Variants in VPS13B observed in about 807,000 individuals in gnomAD.
VPS13B encodes vacuolar protein sorting 13 homolog B.
Under a neutral mutation model 426.4 loss-of-function variants are expected in VPS13B, and 285 were observed. The observed-to-expected ratio is 0.67, with a 90% CI of 0.61 to 0.74. The LOEUF (loss-of-function observed/expected upper bound fraction) is 0.74, where lower values mean the gene tolerates loss of function less well. Ranked by LOEUF, VPS13B falls within the 30% of genes least tolerant of loss-of-function variation. The pLI is 0.00. For synonymous variants in VPS13B, 1,676 were observed against 1,676.4 expected, an observed-to-expected ratio of 1.00 and a Z score of 0.01; for missense variants, 4,537 against 4,782.6, an observed-to-expected ratio of 0.95 and a Z score of 1.51.
At chr8:99,169,975 T>C in intron 15 of VPS13B, 64 bp from the exon 16 acceptor site, 1 of 1,596,076 alleles carries the variant, frequency 6.3e-7, no homozygotes, top group South Asian at 1.1e-5. Context: ...AACTGACGTA[T>C]TTCATCCTGT....
chr8:99,849,584 G>T (rs1350476061), intron 55 of VPS13B, among the ~76,000 whole-genome samples: 1 of 152,098 alleles, frequency 6.6e-6, no homozygotes, highest in African/African-American at 2.4e-5. Flanking sequence ...CATATTAAGA[G>T]CTTTAAAATC....
chr8:99,809,519 G>A lies in VPS13B; in HGVS notation c.8086G>A (p.Val2696Ile). The A allele has an allele frequency of 6.2e-7, 1 of 1,613,964 alleles. No homozygotes were observed. The highest frequency in any genetic ancestry group is 8.5e-7 in the Non-Finnish European group (1 of 1,179,934). The change falls in exon 44 of 62, where the codon GTA becomes ATA. Residue 2696 changes from valine to isoleucine, a missense_variant. By Grantham distance (29) the Val-to-Ile change is conservative. Coordinates refer to ENST00000357162, the MANE Select transcript of VPS13B (RefSeq NM_152564.5). ...CATCAAGGTTCAGCAACTCAATGGA[G>A]TACAAAAACAGGTAAGTTTCTTTGT... ...LIIKVQQLNGVQKQIIICGRQ... is the reference protein window; with the variant it reads ...LIIKVQQLNGIQKQIIICGRQ...
intron 33 of VPS13B, among the ~76,000 whole-genome samples, chr8:99,627,957 T>C (rs563642284): frequency 1.3e-5 from 2 of 152,296 alleles, no homozygotes; most frequent in African/African-American, 4.8e-5. Context: ...CCATAAGACG[T>C]TCTTTGAAGA....
At chr8:99,433,687 A>G (rs537817921) in intron 22 of VPS13B, among the ~76,000 whole-genome samples, 8 of 152,346 alleles carry the variant, frequency 5.3e-5, no homozygotes, top group African/African-American at 1.9e-4. Context: ...ATCAGAAAGT[A>G]TAAATAGTTG....
At chr8:99,300,471 C>A (rs1360687967) in intron 19 of VPS13B, among the ~76,000 whole-genome samples, 1 of 152,104 alleles carries the variant, frequency 6.6e-6, no homozygotes, top group Admixed American at 6.6e-5. Flanking sequence ...GGTGTGTTTT[C>A]TTTTTATATA....
chr8:99,052,482 C>A (rs1457404231), intron 3 of VPS13B, among the ~76,000 whole-genome samples: 1 of 114,854 alleles, frequency 8.7e-6, no homozygotes, highest in Non-Finnish European at 1.8e-5. Flanking sequence ...GGATATTGGT[C>A]TAAAATTGTC....
intron 7 of VPS13B, chr8:99,119,247 A>T (rs1322915344): frequency 6.6e-6 from 1 of 151,884 alleles, no homozygotes; most frequent in Non-Finnish European, 1.5e-5. Context: ...TTATGTATTT[A>T]TTATTTATTT....
In VPS13B at chr8:99,217,335, G is replaced by A. The variant is rs76553063; in HGVS notation, c.2515+24278G>A. On this transcript the variant is annotated intron_variant, in intron 17 of 61. Transcript: ENST00000357162. ...TTTTAACAGATGAGGAAACTGGGGC[G>A]CAGAGGCAGTAACACGGTCAAGGAC... Among the ~76,000 whole-genome samples, 1,022 of 152,232 alleles carry A rather than the reference G, an allele frequency of 6.7e-3. 10 individuals are homozygous for A. Among genetic ancestry groups the A allele is most frequent in the African/African-American group, 0.023 (937 of 41,556 alleles).
At chr8:99,571,745 T>C (rs1231058513) in intron 31 of VPS13B, among the ~76,000 whole-genome samples, 1 of 152,156 alleles carries the variant, frequency 6.6e-6, no homozygotes, top group African/African-American at 2.4e-5. Context: ...TTTGAGCTAT[T>C]AGGCTATAAT....
At chr8:99,544,231 C>A (rs1352563159) in intron 30 of VPS13B, among the ~76,000 whole-genome samples, 1 of 152,162 alleles carries the variant, frequency 6.6e-6, no homozygotes, top group South Asian at 2.1e-4. Context: ...CCAAACACCG[C>A]ATGTTCTCAC....
intron 17 of VPS13B, among the ~76,000 whole-genome samples, chr8:99,249,160 G>T (rs1817373265): frequency 1.0e-5 from 1 of 97,168 alleles, no homozygotes; most frequent in Non-Finnish European, 2.8e-5. Context: ...GTGACCTTTT[G>T]GTTTTCGCCA....
chr8:99,146,955 T>A (rs1810764775), intron 13 of VPS13B, among the ~76,000 whole-genome samples: 1 of 152,138 alleles, frequency 6.6e-6, no homozygotes, highest in Non-Finnish European at 1.5e-5. Context: ...GGAAACTGTT[T>A]TATGAGGTTG....
At chr8:99,406,665 A>G (rs1815347335) in intron 21 of VPS13B, among the ~76,000 whole-genome samples, 1 of 152,210 alleles carries the variant, frequency 6.6e-6, no homozygotes, top group South Asian at 2.1e-4. Context: ...ATAAAATTTT[A>G]CCTCTAGTCA....
chr8:99,831,135 T>A (rs1215774065), intron 51 of VPS13B, among the ~76,000 whole-genome samples: 2 of 144,492 alleles, frequency 1.4e-5, no homozygotes, highest in Non-Finnish European at 3.0e-5. Flanking sequence ...TGTAATGGCA[T>A]GATCTTGGCT....
intron 30 of VPS13B, among the ~76,000 whole-genome samples, chr8:99,522,188 A>G (rs998605956): frequency 2.6e-5 from 4 of 152,184 alleles, no homozygotes; most frequent in South Asian, 2.1e-4. Flanking sequence ...GGAAATGATT[A>G]TAATAGAACA....
chr8:99,691,024 G>A (rs1283704370), intron 35 of VPS13B, among the ~76,000 whole-genome samples: 3 of 152,124 alleles, frequency 2.0e-5, no homozygotes, highest in African/African-American at 4.8e-5. Flanking sequence ...ATACTGTTCA[G>A]CCACAAAATG....
chr8:99,793,303 A>G (rs1455147308), intron 43 of VPS13B, among the ~76,000 whole-genome samples: 1 of 146,426 alleles, frequency 6.8e-6, no homozygotes, highest in Non-Finnish European at 1.5e-5. Context: ...TGATGGAAGA[A>G]AAAAGTAAAT....
rs558816796 is a variant in VPS13B, at chr8:99,567,636, A to G, written c.4950-8022A>G. Among the ~76,000 whole-genome samples the G allele has an allele frequency of 1.5e-4, 23 of 152,220 alleles. No homozygotes were observed. The Middle Eastern group carries it at 0.014, about 90-fold the overall frequency. On this transcript the variant is annotated intron_variant, in intron 31 of 61. Coordinates refer to ENST00000357162, the MANE Select transcript of VPS13B (RefSeq NM_152564.5). ...TGCACAAGATGCTTTATATGTCTTTATAGATTCTTTGTGTATGTTCAGCAC... is the reference window on the plus strand; with the variant it reads ...TGCACAAGATGCTTTATATGTCTTTGTAGATTCTTTGTGTATGTTCAGCAC...
At chr8:99,098,149 T>G (rs1846526923) in intron 4 of VPS13B, among the ~76,000 whole-genome samples, 1 of 152,204 alleles carries the variant, frequency 6.6e-6, no homozygotes, top group Non-Finnish European at 1.5e-5. Flanking sequence ...CACTCTGTTT[T>G]TTGTTCCTGT....
Sources: gnomAD v4.1 joint callset for allele counts (sites outside exome capture counted in the v4.1 genomes callset) on GRCh38, gnomAD v4.1.1 for gene constraint, MANE v1.5 for transcripts, NCBI Gene and HGNC (gene_info 2026-07-23, HGNC 2026-07-21) for gene names.